Variants in CPZ observed in about 807,000 individuals in gnomAD.
The protein encoded by CPZ is carboxypeptidase Z.
CPZ carries 103 observed loss-of-function variants against 61.8 expected under a neutral mutation model. The ratio of observed to expected loss-of-function variants is 1.67; its 90% CI spans 1.42 to 1.96. CPZ has a LOEUF of 1.96. Ranked by LOEUF, CPZ falls within the 30% of genes most tolerant of loss-of-function variation. CPZ has a pLI of 0.00. For missense variants in CPZ, 1,461 were observed against 914.9 expected, an observed-to-expected ratio of 1.60 and a Z score of -7.70; for synonymous variants, 551 against 373.7, an observed-to-expected ratio of 1.47 and a Z score of -5.47.
At chr4:8,602,346 A>T (rs1032750231) in intron 3 of CPZ, 1 of 152,292 alleles carries the variant, frequency 6.6e-6, no homozygotes, top group Non-Finnish European at 1.5e-5. Flanking sequence ...TCTGTCCAAG[A>T]CAGTTACCAC....
rs766938315 is a variant in CPZ, at chr4:8,606,077, C to A, written c.798C>A (p.Cys266Ter). The change falls in exon 5 of 11, where the codon TGC becomes TGA. Residue 266 changes from cysteine (C) to a stop codon, truncating the protein, a stop_gained. Transcript: ENST00000360986. LOFTEE classifies it high-confidence loss of function. ...EMLIYLAQYL[C>*]SEYLLGNPRI... ...TCATCTACCTAGCCCAGTACCTGTG[C>A]TCTGAGTACCTGCTTGGTAACCCCC... 1 of 1,614,232 alleles carries A rather than the reference C, an allele frequency of 6.2e-7. No individual in the cohort carries two copies. Among genetic ancestry groups the A allele is most frequent in the African/African-American group, 1.3e-5 (1 of 75,064 alleles).
In CPZ at chr4:8,606,745, C is replaced by A. The variant is rs1309829522; in HGVS notation, c.915C>A (p.Gly305=). ...GTTGGCCATGTTTTCAGGGTGCCGG[C>A]TACAACGGGTGGACGAGCGGGAGGC... The part of the protein sequence containing the change: ...GYEVAAAEGA[G]YNGWTSGRQN... The change falls in exon 6 of 11, where the codon GGC becomes GGA. Residue 305 remains glycine, a synonymous_variant. Transcript: ENST00000360986. The A allele has an allele frequency of 6.2e-7, 1 of 1,614,030 alleles. No individual in the cohort carries two copies. The highest frequency in any genetic ancestry group is 8.5e-7 in the Non-Finnish European group (1 of 1,180,032).
At chr4:8,616,594 G>C (rs902862185) in intron 9 of CPZ, among the ~76,000 whole-genome samples, 2 of 152,104 alleles carry the variant, frequency 1.3e-5, no homozygotes, top group Non-Finnish European at 2.9e-5. Flanking sequence ...GCTGTGTTTT[G>C]AAGGGAGGGA....
rs1472580935 is a variant in CPZ at position 8,612,012 on chromosome 4, A to C, written c.1228-15A>C. The C allele has an allele frequency of 6.2e-7, 1 of 1,613,640 alleles. No homozygotes were observed. The highest frequency in any genetic ancestry group is 2.2e-5 in the East Asian group (1 of 44,874). Reference sequence around the variant, plus strand: ...AGGGGACCCTTTCCTTATCTGAGCCAGGTTTCTTTTCCAGATGTTCAAGCT... The same window carrying C: ...AGGGGACCCTTTCCTTATCTGAGCCCGGTTTCTTTTCCAGATGTTCAAGCT... On this transcript the variant is annotated splice_polypyrimidine_tract_variant and intron_variant, in intron 7 of 10. Coordinates refer to ENST00000360986, the MANE Select transcript of CPZ (RefSeq NM_001014447.3).
rs1408950957 is a variant in CPZ at position 8,619,275 on chromosome 4, C to G, written c.1617C>G (p.Asp539Glu). The change falls in exon 11 of 11, where the codon GAC becomes GAG. Residue 539 changes from aspartate to glutamate, a missense_variant. Asp to Glu is a conservative substitution (Grantham distance 45). Transcript: ENST00000360986. Reference protein sequence around the residue: ...RHDITTAPDGDYWRLLPPGIH... With the variant: ...RHDITTAPDGEYWRLLPPGIH... ...ATTTGTCCACAGCCCCAGATGGTGA[C>G]TACTGGAGACTGCTGCCCCCAGGTA... 2 of 1,611,518 alleles carry G rather than the reference C, an allele frequency of 1.2e-6. No homozygotes were observed. The highest frequency in any genetic ancestry group is 1.7e-6 in the Non-Finnish European group (2 of 1,178,978).
intron 7 of CPZ, among the ~76,000 whole-genome samples, chr4:8,609,225 C>CATTCACTT (rs1553877692): frequency 3.0e-4 from 16 of 52,752 alleles, no homozygotes; most frequent in African/African-American, 8.2e-4. Flanking sequence ...TTCACTTACT[C>CATTCACTT]ACTCATTGTC....
intron 10 of CPZ, 28 bp from the exon 11 acceptor site, chr4:8,619,234 G>A (rs1716471728): frequency 2.5e-6 from 4 of 1,571,494 alleles, no homozygotes; most frequent in Non-Finnish European, 3.5e-6. Flanking sequence ...GTCCTCGTGA[G>A]AATCATTTTT....
intron 5 of CPZ, 132 bp from the exon 6 acceptor site, chr4:8,606,605 C>A (rs374936459): frequency 8.6e-7 from 1 of 1,166,994 alleles, no homozygotes; most frequent in Non-Finnish European, 1.3e-6. Context: ...GGCATGCCCC[C>A]GAGCTCATCA....
chr4:8,610,803 G>A (rs1715588835), intron 7 of CPZ, among the ~76,000 whole-genome samples: 1 of 152,158 alleles, frequency 6.6e-6, no homozygotes, highest in African/African-American at 2.4e-5. Context: ...GCCTGAGTGG[G>A]GTTGTGTTTG....
At chr4:8,608,915 G>A (rs1047750911) in intron 7 of CPZ, among the ~76,000 whole-genome samples, 4 of 152,174 alleles carry the variant, frequency 2.6e-5, no homozygotes, top group African/African-American at 4.8e-5. Context: ...TGAGCACTCT[G>A]CAGACCAGGG....
intron 1 of CPZ, among the ~76,000 whole-genome samples, chr4:8,597,767 G>A (rs914761692): frequency 1.3e-5 from 2 of 152,236 alleles, no homozygotes; most frequent in Non-Finnish European, 2.9e-5. Flanking sequence ...TGTGGCTGAT[G>A]GAGCCTCTTC....
Position 8,606,068 on chromosome 4 carries a change from G to C in CPZ, c.789G>C (p.Gln263His). The stretch of plus-strand genomic sequence containing the variant: ...GGGAGATGCTCATCTACCTAGCCCA[G>C]TACCTGTGCTCTGAGTACCTGCTTG... ...AGREMLIYLA[Q>H]YLCSEYLLGN... The change falls in exon 5 of 11, where the codon CAG (glutamine) becomes CAC (histidine). Residue 263 changes from glutamine to histidine, a missense_variant. Gln to His is a conservative substitution (Grantham distance 24). Coordinates refer to ENST00000360986, the MANE Select transcript of CPZ (RefSeq NM_001014447.3). The C allele has an allele frequency of 6.2e-7, 1 of 1,614,218 alleles. No individual in the cohort carries two copies. The highest frequency in any genetic ancestry group is 8.5e-7 in the Non-Finnish European group (1 of 1,180,026).
rs747152592 is a variant in CPZ, at chr4:8,607,401, G to A, written c.1203G>A (p.Met401Ile). Residue 401 changes from methionine to isoleucine, a missense_variant, in exon 7 of 11, where the codon ATG (methionine) becomes ATA (isoleucine). By Grantham distance (10) the Met-to-Ile change is conservative. Transcript: ENST00000360986. ...DFSKHPQEEK[M>I]FSPTPDEKMF... The stretch of plus-strand genomic sequence containing the variant: ...CCAAGCACCCCCAGGAGGAGAAGAT[G>A]TTTTCTCCCACGCCCGACGAGAAGG... 1 of 1,613,962 alleles carries A rather than the reference G, an allele frequency of 6.2e-7. No homozygotes were observed. Among genetic ancestry groups the A allele is most frequent in the Non-Finnish European group, 8.5e-7 (1 of 1,179,852 alleles).
chr4:8,616,683 CCA>C (rs1440365848), intron 9 of CPZ, among the ~76,000 whole-genome samples: 2 of 152,272 alleles, frequency 1.3e-5, no homozygotes, highest in African/African-American at 2.4e-5. Flanking sequence ...TGAGGAGGAG[CCA>C]CAGGGTGGGG....
At chr4:8,607,456 G>C (rs780538702) in intron 7 of CPZ, 31 bp downstream of exon 7, 2 of 1,608,660 alleles carry the variant, frequency 1.2e-6, no homozygotes, top group Admixed American at 3.3e-5. Flanking sequence ...GTGCAGGGGA[G>C]GGAGACAGTG....
intron 8 of CPZ, among the ~76,000 whole-genome samples, chr4:8,613,277 G>A (rs7700019): frequency 0.22 from 33,024 of 151,916 alleles, 4,381 homozygotes; most frequent in Non-Finnish European, 0.3. Flanking sequence ...GATTACAGGC[G>A]CCCACCACCA....
chr4:8,595,855 G>T (rs1350916208), intron 1 of CPZ, among the ~76,000 whole-genome samples: 1 of 152,180 alleles, frequency 6.6e-6, no homozygotes, highest in Non-Finnish European at 1.5e-5. Context: ...GGAGATTTGG[G>T]CAGAGACAGA....
chr4:8,602,846 G>A (rs990453407), intron 3 of CPZ: 1 of 152,276 alleles, frequency 6.6e-6, no homozygotes, highest in African/African-American at 2.4e-5. Context: ...ATGTCTTGCA[G>A]CCTCTGGCTC....
chr4:8,609,217 C>CACTCACTCATTG (rs1553877680), intron 7 of CPZ, among the ~76,000 whole-genome samples: 2 of 138,162 alleles, frequency 1.4e-5, no homozygotes, highest in African/African-American at 2.6e-5. Context: ...CTTACTCATT[C>CACTCACTCATTG]ACTTACTCAC....
Sources: gnomAD v4.1 joint callset for allele counts (sites outside exome capture counted in the v4.1 genomes callset) on GRCh38, gnomAD v4.1.1 for gene constraint, MANE v1.5 for transcripts, NCBI Gene and HGNC (gene_info 2026-07-23, HGNC 2026-07-21) for gene names.